The following ZNF385D variants were observed in gnomAD, a reference collection of about 807,000 sequenced individuals.
ZNF385D encodes zinc finger protein 385D.
In ZNF385D, 15 loss-of-function variants were observed where a neutral mutation model predicts 35.8. That is an observed-to-expected ratio of 0.42 (90% CI 0.28 to 0.64). ZNF385D has a LOEUF of 0.64. Among genes scored for constraint, ZNF385D ranks in the 30% least tolerant of loss-of-function variants. The pLI is 0.23. For missense variants in ZNF385D, 474 were observed against 494.6 expected, an observed-to-expected ratio of 0.96 and a Z score of 0.39; for synonymous variants, 212 against 186.8, an observed-to-expected ratio of 1.13 and a Z score of -1.10.
intron 3 of ZNF385D, among the ~76,000 whole-genome samples, chr3:22,097,801 C>G (rs1210542242): frequency 6.6e-6 from 1 of 151,998 alleles, no homozygotes; most frequent in Non-Finnish European, 1.5e-5. Context: ...CACTAGGAAC[C>G]ACATTTCTGT....
At chr3:22,296,794 C>T (rs963647492) in intron 2 of ZNF385D, among the ~76,000 whole-genome samples, 2 of 152,120 alleles carry the variant, frequency 1.3e-5, no homozygotes, top group Non-Finnish European at 1.5e-5. Flanking sequence ...CTGTCTTGAG[C>T]ATGGTGGTTG....
In ZNF385D at chr3:22,045,958, T is replaced by C. The variant is rs747456410; in HGVS notation, c.325+122859A>G. ...GGTGTAGAGCTAGGGACTATTCATA[T>C]CAATTGCCTCCAGGGAAGAAAAATA... On this transcript the variant is annotated intron_variant, in intron 3 of 5. Coordinates refer to the ZNF385D transcript ENST00000494108. 6.6e-5 allele frequency among the ~76,000 whole-genome samples: 10 copies of C among 151,698 alleles called. 1 individual carries two copies. The highest frequency in any genetic ancestry group is 1.3e-4 in the Admixed American group (2 of 15,238).
At chr3:22,131,056 TATAAG>T (rs1434794946) in intron 3 of ZNF385D, among the ~76,000 whole-genome samples, 2 of 152,154 alleles carry the variant, frequency 1.3e-5, no homozygotes, top group African/African-American at 4.8e-5. Context: ...GGAGAAAATC[TATAAG>T]ATAACACAAT....
intron 3 of ZNF385D, among the ~76,000 whole-genome samples, chr3:21,900,880 T>G (rs1020517172): frequency 2.0e-5 from 3 of 152,280 alleles, no homozygotes; most frequent in Middle Eastern, 6.8e-3. Context: ...GGACATCATC[T>G]AATTTAGTTC....
intron 4 of ZNF385D, among the ~76,000 whole-genome samples, chr3:21,452,572 A>G (rs753294656): frequency 3.9e-5 from 6 of 152,104 alleles, no homozygotes; most frequent in Non-Finnish European, 8.8e-5. Flanking sequence ...TACACTAGCA[A>G]TGAACAATCT....
intron 3 of ZNF385D, among the ~76,000 whole-genome samples, chr3:21,770,101 G>A (rs1396580178): frequency 6.6e-6 from 1 of 152,132 alleles, no homozygotes; most frequent in Non-Finnish European, 1.5e-5. Flanking sequence ...ATGGATTAAA[G>A]ACTTACATGT....
At chr3:21,696,456 T>C (rs528816328) in intron 1 of ZNF385D, among the ~76,000 whole-genome samples, 16 of 152,238 alleles carry the variant, frequency 1.1e-4, no homozygotes, top group Non-Finnish European at 2.1e-4. Flanking sequence ...TCATTGTGTT[T>C]TGACAGCACA....
intron 2 of ZNF385D, among the ~76,000 whole-genome samples, chr3:22,319,469 T>G (rs927996144): frequency 6.6e-6 from 1 of 152,026 alleles, no homozygotes; most frequent in Non-Finnish European, 1.5e-5. Context: ...AGAAAGAAAA[T>G]TCAGTACTGG....
At chr3:21,630,496 C>T (rs2065251024) in intron 2 of ZNF385D, among the ~76,000 whole-genome samples, 1 of 151,968 alleles carries the variant, frequency 6.6e-6, no homozygotes, top group Non-Finnish European at 1.5e-5. Flanking sequence ...TGAGCCACCG[C>T]GCCTGGCCAA....
chr3:22,350,157 C>T (rs966461085), intron 2 of ZNF385D, among the ~76,000 whole-genome samples: 1 of 152,078 alleles, frequency 6.6e-6, no homozygotes, highest in African/African-American at 2.4e-5. Context: ...TTAGACTAAG[C>T]GTTTACATGC....
intron 2 of ZNF385D, among the ~76,000 whole-genome samples, chr3:22,175,726 T>C (rs1391598563): frequency 6.6e-6 from 1 of 151,714 alleles, no homozygotes; most frequent in East Asian, 1.9e-4. Context: ...TGTATATGCA[T>C]ATACATACTG....
At chr3:21,451,166 C>T (rs894857347) in intron 4 of ZNF385D, among the ~76,000 whole-genome samples, 3 of 151,956 alleles carry the variant, frequency 2.0e-5, no homozygotes, top group African/African-American at 4.8e-5. Context: ...TATGACGAAC[C>T]AATCAATACG....
chr3:22,335,770 T>G (rs1010697173), intron 2 of ZNF385D, among the ~76,000 whole-genome samples: 12 of 152,132 alleles, frequency 7.9e-5, no homozygotes, highest in African/African-American at 2.9e-4. Context: ...TTTTCCATAT[T>G]TCTATTATAC....
chr3:21,802,982 G>C (rs890915607), intron 3 of ZNF385D, among the ~76,000 whole-genome samples: 2 of 152,142 alleles, frequency 1.3e-5, no homozygotes, highest in African/African-American at 2.4e-5. Context: ...TGGAAATTTG[G>C]ATAAATTCCA....
At chr3:22,234,342 C>A (rs1167985385) in intron 2 of ZNF385D, among the ~76,000 whole-genome samples, 2 of 152,122 alleles carry the variant, frequency 1.3e-5, no homozygotes, top group Non-Finnish European at 1.5e-5. Context: ...ACAAAGATCA[C>A]CCTAGTGCTT....
At chr3:21,920,716 T>C (rs8180026) in intron 3 of ZNF385D, among the ~76,000 whole-genome samples, 80,704 of 151,070 alleles carry the variant, frequency 0.53, 23,602 homozygotes, top group South Asian at 0.66. Flanking sequence ...ATATAATTGA[T>C]GAAGTTAGGC....
intron 2 of ZNF385D, among the ~76,000 whole-genome samples, chr3:22,285,939 A>C (rs1044089003): frequency 6.6e-6 from 1 of 152,108 alleles, no homozygotes; most frequent in African/African-American, 2.4e-5. Context: ...TTACATATAA[A>C]TTCAGGTGAC....
chr3:21,920,179 C>G (rs1700384353), intron 3 of ZNF385D, among the ~76,000 whole-genome samples: 1 of 152,118 alleles, frequency 6.6e-6, no homozygotes, highest in Admixed American at 6.5e-5. Flanking sequence ...TACCATCTGG[C>G]CATTTAGAGA....
intron 2 of ZNF385D, among the ~76,000 whole-genome samples, chr3:22,324,756 TCAC>T (rs1180654006): frequency 6.6e-6 from 1 of 152,176 alleles, no homozygotes; most frequent in East Asian, 1.9e-4. Flanking sequence ...CTGCCTTCCC[TCAC>T]CACAAGTGCT....
Sources: allele counts gnomAD v4.1 joint callset (sites outside exome capture counted in the v4.1 genomes callset), GRCh38; gene constraint gnomAD v4.1.1; transcripts MANE v1.5; gene names NCBI Gene and HGNC (gene_info 2026-07-23, HGNC 2026-07-21).